The following MYO3A variants were observed in gnomAD, a reference collection of about 807,000 sequenced individuals.
MYO3A encodes the protein myosin-IIIa.
A neutral mutation model predicts 192.7 loss-of-function variants in MYO3A; 180 were observed. The ratio of observed to expected loss-of-function variants is 0.93; its 90% CI spans 0.83 to 1.06. The LOEUF (loss-of-function observed/expected upper bound fraction) is 1.06, where lower values mean the gene tolerates loss of function less well. Among genes scored for constraint, MYO3A ranks in the 50% least tolerant of loss-of-function variants. The pLI is 0.00. For synonymous variants in MYO3A, 628 were observed against 645.3 expected (o/e 0.97, Z 0.41); for missense variants, 1,896 against 1,905.0 (o/e 1.00, Z 0.09).
At chr10:25,946,975 T>C (rs184156304) in intron 2 of MYO3A, among the ~76,000 whole-genome samples, 8 of 151,394 alleles carry the variant, frequency 5.3e-5, no homozygotes, top group African/African-American at 1.9e-4. Context: ...ATTTGTGAGG[T>C]TTTTGGCCAT....
chr10:26,113,034 T>C (rs370266811), intron 17 of MYO3A, among the ~76,000 whole-genome samples: 1 of 152,256 alleles, frequency 6.6e-6, no homozygotes, highest in Non-Finnish European at 1.5e-5. Context: ...TATGATAGTC[T>C]AAAAATCACA....
intron 31 of MYO3A, among the ~76,000 whole-genome samples, chr10:26,184,786 A>G (rs1192390914): frequency 1.3e-5 from 2 of 152,222 alleles, no homozygotes; most frequent in Admixed American, 6.5e-5. Flanking sequence ...ACAACCCACA[A>G]AATAGCCACA....
At chr10:26,030,276 C>T (rs187661713) in intron 10 of MYO3A, among the ~76,000 whole-genome samples, 124 of 152,004 alleles carry the variant, frequency 8.2e-4, no homozygotes, top group African/African-American at 2.5e-3. Context: ...CCTGTTAGGT[C>T]GTCTCTAATG....
At chr10:26,100,522 GCTTT>G (rs1837371457) in intron 17 of MYO3A, among the ~76,000 whole-genome samples, 1 of 152,104 alleles carries the variant, frequency 6.6e-6, no homozygotes, top group African/African-American at 2.4e-5. Flanking sequence ...GATCTTTCCT[GCTTT>G]CTTTTGTGGG....
Position 26,013,098 on chromosome 10 carries a change from A to T in MYO3A, c.509-3722A>T, listed in dbSNP as rs568201413. 6.7e-4 allele frequency among the ~76,000 whole-genome samples: 102 copies of T among 152,178 alleles called. 1 individual carries two copies. Among genetic ancestry groups the T allele is most frequent in the African/African-American group, 2.2e-3 (91 of 41,580 alleles). ...TGTAGAAGAATGAAACTGGAACTCT[A>T]TCTCTCACCTTATACAAAAAGCAAC... On this transcript the variant is annotated intron_variant, in intron 6 of 34. Coordinates refer to ENST00000642920, the MANE Select transcript of MYO3A (RefSeq NM_017433.5).
intron 14 of MYO3A, among the ~76,000 whole-genome samples, chr10:26,085,804 T>G (rs1469387108): frequency 6.6e-6 from 1 of 152,220 alleles, no homozygotes; most frequent in Non-Finnish European, 1.5e-5. Context: ...GAGAGGTTGC[T>G]GGGGTATCTT....
intron 20 of MYO3A, among the ~76,000 whole-genome samples, chr10:26,136,224 C>G (rs1839839283): frequency 6.6e-6 from 1 of 152,056 alleles, no homozygotes; most frequent in South Asian, 2.1e-4. Context: ...AAAAAGTGGA[C>G]TAAACTTATA....
At chr10:26,080,309 A>G (rs1700025788) in intron 14 of MYO3A, among the ~76,000 whole-genome samples, 2 of 152,038 alleles carry the variant, frequency 1.3e-5, no homozygotes, top group African/African-American at 4.8e-5. Context: ...TACTTGTTCA[A>G]TTATTTTGCT....
chr10:25,990,997 G>C (rs1285816463), intron 4 of MYO3A, among the ~76,000 whole-genome samples: 1 of 152,164 alleles, frequency 6.6e-6, no homozygotes, highest in Non-Finnish European at 1.5e-5. Context: ...CTTTATAGCA[G>C]CATGATTTAC....
At chr10:26,191,744 C>G (rs892170799) in intron 31 of MYO3A, among the ~76,000 whole-genome samples, 17 of 152,322 alleles carry the variant, frequency 1.1e-4, no homozygotes, top group African/African-American at 4.1e-4. Context: ...GGTTAGACGT[C>G]TATGAGTCTT....
intron 4 of MYO3A, among the ~76,000 whole-genome samples, chr10:25,958,133 T>C (rs1837680248): frequency 6.6e-6 from 1 of 152,210 alleles, no homozygotes; most frequent in Non-Finnish European, 1.5e-5. Context: ...GGTATTGCTT[T>C]TGGAGTCTTC....
In MYO3A at chr10:26,070,258, C is replaced by T. The variant is rs1232582653; in HGVS notation, c.1275+43C>T. 7.6e-6 allele frequency: 12 copies of T among 1,571,676 alleles called. 1 individual carries two copies. In the South Asian group the frequency reaches 1.2e-4, roughly 16 times the overall value. ...TTCTTAGAAATTTACCTCTTAGTTA[C>T]TTAAATGTCACTTAATTTTGAGGAT... On this transcript the variant is annotated intron_variant, in intron 13 of 34. Coordinates refer to ENST00000642920, the MANE Select transcript of MYO3A (RefSeq NM_017433.5).
intron 6 of MYO3A, among the ~76,000 whole-genome samples, chr10:25,998,760 C>CT (rs1241638816): frequency 6.6e-6 from 1 of 152,074 alleles, no homozygotes; most frequent in African/African-American, 2.4e-5. Flanking sequence ...CAATAAACAA[C>CT]TTTTTAGCTA....
At position 26,058,274 on chromosome 10, in the gene MYO3A, A is replaced by G. The variant is rs192365865; in HGVS notation, c.954-8701A>G. 1.5e-3 allele frequency among the ~76,000 whole-genome samples: 236 copies of G among 152,330 alleles called. 4 individuals are homozygous for G. Among genetic ancestry groups the G allele is most frequent in the Non-Finnish European group, 3.4e-4 (23 of 68,028 alleles). The stretch of plus-strand genomic sequence containing the variant: ...TCAGATTAAGTTCTTTCACTTAGCA[A>G]TATGCATTTGTATTTCTTCCATGTT... On this transcript the variant is annotated intron_variant, in intron 10 of 34. Transcript: ENST00000642920.
intron 7 of MYO3A, among the ~76,000 whole-genome samples, chr10:26,021,269 T>C (rs1177738272): frequency 1.3e-5 from 2 of 152,186 alleles, no homozygotes; most frequent in East Asian, 1.9e-4. Flanking sequence ...ATATTTTTCA[T>C]AGGCTTCTTC....
At chr10:26,181,919 A>C (rs1489994907) in intron 31 of MYO3A, among the ~76,000 whole-genome samples, 1 of 152,238 alleles carries the variant, frequency 6.6e-6, no homozygotes, top group Non-Finnish European at 1.5e-5. Context: ...GAGAATGATT[A>C]ATAAGTAATG....
chr10:25,962,016 G>A (rs1030386663), intron 4 of MYO3A, among the ~76,000 whole-genome samples: 2 of 152,112 alleles, frequency 1.3e-5, no homozygotes, highest in African/African-American at 2.4e-5. Flanking sequence ...TCAGAGCAAT[G>A]AGTTACTGTC....
intron 10 of MYO3A, among the ~76,000 whole-genome samples, chr10:26,029,557 C>T (rs573766799): frequency 1.3e-5 from 2 of 152,068 alleles, no homozygotes; most frequent in East Asian, 1.9e-4. Flanking sequence ...ATATTTTTTT[C>T]GTGCTGATAT....
chr10:26,186,954 T>G (rs1360016130), intron 31 of MYO3A, among the ~76,000 whole-genome samples: 1 of 152,238 alleles, frequency 6.6e-6, no homozygotes, highest in Non-Finnish European at 1.5e-5. Flanking sequence ...AGATTGTTCA[T>G]GAATTATCCC....
Sources: gnomAD v4.1 joint callset for allele counts (sites outside exome capture counted in the v4.1 genomes callset) on GRCh38, gnomAD v4.1.1 for gene constraint, MANE v1.5 for transcripts, NCBI Gene and HGNC (gene_info 2026-07-23, HGNC 2026-07-21) for gene names.